Variants in THADA observed in about 807,000 individuals in gnomAD.
THADA encodes THADA armadillo repeat containing, also known as tRNA (32-2'-O)-methyltransferase regulator THADA.
A neutral mutation model predicts 219.8 loss-of-function variants in THADA; 213 were observed. The ratio of observed to expected loss-of-function variants is 0.97; its 90% confidence interval spans 0.87 to 1.09. The LOEUF (loss-of-function observed/expected upper bound fraction) is 1.09. Among genes scored for constraint, THADA ranks in the 50% least tolerant of loss-of-function variants. The pLI is 0.00. For missense variants in THADA, 2,956 were observed against 2,311.3 expected (o/e 1.28, Z -5.72); for synonymous variants, 1,018 against 828.9 (o/e 1.23, Z -3.92).
intron 26 of THADA, among the ~76,000 whole-genome samples, chr2:43,463,553 T>C (rs1683881330): frequency 6.6e-6 from 1 of 152,224 alleles, no homozygotes; most frequent in Non-Finnish European, 1.5e-5. Flanking sequence ...TCTGTTTCTT[T>C]TAAGTATTTA....
chr2:43,252,847 C>A (rs185488412), intron 36 of THADA, among the ~76,000 whole-genome samples: 171 of 152,340 alleles, frequency 1.1e-3, no homozygotes, highest in Non-Finnish European at 1.9e-3. Flanking sequence ...ATGAAGCTGT[C>A]TATAAACTCA....
chr2:43,568,355 T>C lies in THADA; in HGVS notation c.2188-1534A>G, dbSNP rs116253820. ...CTCTTCTCCCCCAGCACTTAGTCTA[T>C]TGATTGTGAGCCTACCACACCCTGT... is the stretch of plus-strand genomic sequence containing the variant. On this transcript the variant is annotated intron_variant, in intron 14 of 37. Transcript: ENST00000405975. 1.8e-3 allele frequency among the ~76,000 whole-genome samples: 279 copies of C among 152,324 alleles called. 2 individuals are homozygous for C. Among genetic ancestry groups the C allele is most frequent in the African/African-American group, 6.2e-3 (256 of 41,588 alleles).
rs761999633 is a variant in THADA at position 43,574,514 on chromosome 2, A to G, written c.1551T>C (p.Ser517=). The G allele has an allele frequency of 1.9e-6, 3 of 1,614,014 alleles. No individual in the cohort carries two copies. The highest frequency in any genetic ancestry group is 3.3e-4 in the Middle Eastern group (2 of 6,062). The change falls in exon 11 of 38, where the codon TCT becomes TCC. Residue 517 remains serine, a synonymous_variant. Transcript: ENST00000405975. ...AAGTCTCATGCCACTGGTCAATCCA[A>G]GAACTCTCAGCAGTCTGGGATTTCA... The part of the protein sequence containing the change: ...SHLKSQTAES[S]WIDQWHETWV...
chr2:43,578,513 C>A lies in THADA; in HGVS notation c.816G>T (p.Leu272Phe). The change falls in exon 9 of 38, where the codon TTG becomes TTT. Residue 272 changes from leucine (L) to phenylalanine (F), a missense_variant and splice_region_variant. Physicochemically the swap from Leu to Phe is conservative, Grantham distance 22. Transcript: ENST00000405975. The stretch of plus-strand genomic sequence containing the variant: ...AATTCTAAAAAGGAGATGCACTTAC[C>A]AAATGAGGAATCTTTTCAGACGGGT... Reference protein sequence around the residue: ...MFHPSEKIPHLISSVLLRSVD... With the variant: ...MFHPSEKIPHFISSVLLRSVD... 1 of 1,604,214 alleles carries A rather than the reference C, an allele frequency of 6.2e-7. No homozygotes were observed. The highest frequency in any genetic ancestry group is 1.1e-5 in the South Asian group (1 of 90,484).
At position 43,344,103 on chromosome 2, in the gene THADA, A is replaced by AAC; in HGVS notation, c.4343+18_4343+19insGT. The AAC allele has an allele frequency of 6.4e-7, 1 of 1,552,728 alleles. No individual in the cohort carries two copies. Among genetic ancestry groups the AAC allele is most frequent in the Non-Finnish European group, 8.8e-7 (1 of 1,131,406 alleles). On this transcript the variant is annotated intron_variant, in intron 30 of 37. Coordinates refer to ENST00000405975, the MANE Select transcript of THADA (RefSeq NM_022065.5). ...CCTAACCCCTGATAACTCCTTGCTC[A>AAC]TGTGGGATTTTAACATACCTCTTGG...
intron 28 of THADA, among the ~76,000 whole-genome samples, chr2:43,418,588 TGA>T (rs1677302872): frequency 6.6e-6 from 1 of 152,140 alleles, no homozygotes; most frequent in Admixed American, 6.6e-5. Context: ...TGGATGTGTG[TGA>T]GACATGCAGA....
chr2:43,498,631 A>G (rs1337124767), intron 25 of THADA, among the ~76,000 whole-genome samples: 1 of 152,214 alleles, frequency 6.6e-6, no homozygotes, highest in Non-Finnish European at 1.5e-5. Context: ...AAAAAAAGAA[A>G]GATGGCTAAC....
At chr2:43,326,611 G>A (rs973017327) in intron 30 of THADA, among the ~76,000 whole-genome samples, 3 of 152,196 alleles carry the variant, frequency 2.0e-5, no homozygotes, top group African/African-American at 7.2e-5. Context: ...TTACAATGAT[G>A]TGAACTGCCA....
rs144647819 is a variant in THADA, at chr2:43,394,006, C to A, written c.4227+3965G>T. ...AAGTAACCTAGTAATAATGTTAAGTCCCCAACATGAAGAGTTCTGGCAACA... is the reference window on the plus strand; with the variant it reads ...AAGTAACCTAGTAATAATGTTAAGTACCCAACATGAAGAGTTCTGGCAACA... On this transcript the variant is annotated intron_variant, in intron 29 of 37. Transcript: ENST00000405975. 3.2e-3 allele frequency among the ~76,000 whole-genome samples: 489 copies of A among 152,196 alleles called. 4 individuals carry two copies. Among genetic ancestry groups the A allele is most frequent in the South Asian group, 5.8e-3 (28 of 4,810 alleles).
intron 21 of THADA, among the ~76,000 whole-genome samples, chr2:43,528,681 G>A (rs1052015018): frequency 1.3e-5 from 2 of 152,128 alleles, no homozygotes; most frequent in African/African-American, 4.8e-5. Flanking sequence ...ACCTCAGTAT[G>A]TTTTCTGTTA....
At chr2:43,256,722 G>C (rs1011211111) in intron 36 of THADA, among the ~76,000 whole-genome samples, 2 of 151,806 alleles carry the variant, frequency 1.3e-5, no homozygotes, top group African/African-American at 4.8e-5. Flanking sequence ...GGGACCACAG[G>C]TGTGTACCAT....
At chr2:43,300,682 T>G (rs1013791841) in intron 31 of THADA, among the ~76,000 whole-genome samples, 4 of 152,166 alleles carry the variant, frequency 2.6e-5, no homozygotes, top group Admixed American at 6.5e-5. Flanking sequence ...TAAATAAGTT[T>G]GCTGAATTAA....
chr2:43,427,087 G>C (rs1444694242), intron 28 of THADA, among the ~76,000 whole-genome samples: 1 of 152,144 alleles, frequency 6.6e-6, no homozygotes, highest in South Asian at 2.1e-4. Context: ...TATATTCATG[G>C]CTTTTTTCAG....
Position 43,500,535 on chromosome 2 carries a change from A to C in THADA, c.3622-1580T>G, listed in dbSNP as rs886751406. On this transcript the variant is annotated intron_variant, in intron 24 of 37. Transcript: ENST00000405975. ...AAAGATAAATTGAAAAATCAATACAATTCATGACATCTGCATTTTCTAGAA... is the reference window on the plus strand; with the variant it reads ...AAAGATAAATTGAAAAATCAATACACTTCATGACATCTGCATTTTCTAGAA... Among the ~76,000 whole-genome samples the C allele has an allele frequency of 3.9e-5, 6 of 152,348 alleles. No homozygotes were observed. In the East Asian group the frequency reaches 7.7e-4, roughly 20 times the overall value.
chr2:43,436,673 C>A (rs1345507311), intron 26 of THADA, among the ~76,000 whole-genome samples: 2 of 152,136 alleles, frequency 1.3e-5, no homozygotes, highest in Non-Finnish European at 2.9e-5. Context: ...CTTAAGCAAT[C>A]CTTCCAAAAC....
rs199590427 is a variant in THADA, at chr2:43,586,884, T to G, written c.421A>C (p.Ile141Leu). ...LYSYRKVTDN[I>L]SSCMENFNLG... is the part of the protein sequence containing the mutation. Reference sequence around the variant, plus strand: ...TTAAAGTTCTCCATACAGGAAGAAATATTGTCAGTAACTTTCCTGTAAGAG... The same window carrying G: ...TTAAAGTTCTCCATACAGGAAGAAAGATTGTCAGTAACTTTCCTGTAAGAG... The change falls in exon 5 of 38, where the codon ATT (isoleucine) becomes CTT (leucine). Residue 141 changes from isoleucine to leucine, a missense_variant. Ile to Leu is a conservative substitution (Grantham distance 5). Coordinates refer to ENST00000405975, the MANE Select transcript of THADA (RefSeq NM_022065.5). 6.2e-7 allele frequency: 1 copy of G among 1,613,852 alleles called. No individual in the cohort carries two copies. Among genetic ancestry groups the G allele is most frequent in the South Asian group, 1.1e-5 (1 of 91,068 alleles).
At chr2:43,490,169 T>A (rs1409711956) in intron 25 of THADA, among the ~76,000 whole-genome samples, 5 of 152,200 alleles carry the variant, frequency 3.3e-5, no homozygotes, top group African/African-American at 1.2e-4. Flanking sequence ...ACTGCTAGTG[T>A]ACAATTTCTG....
At chr2:43,541,757 G>C (rs149703410) in intron 20 of THADA, among the ~76,000 whole-genome samples, 1,617 of 152,206 alleles carry the variant, frequency 0.011, 16 homozygotes, top group Middle Eastern at 0.024. Flanking sequence ...GCCTCCCAAA[G>C]TGCTGGGATT....
intron 21 of THADA, among the ~76,000 whole-genome samples, chr2:43,531,838 T>C (rs1239406049): frequency 6.6e-6 from 1 of 152,184 alleles, no homozygotes. Context: ...TTCTTTCTAG[T>C]CTTTTCCTTT....
Sources: allele counts gnomAD v4.1 joint callset (sites outside exome capture counted in the v4.1 genomes callset), GRCh38; gene constraint gnomAD v4.1.1; transcripts MANE v1.5; gene names NCBI Gene and HGNC (gene_info 2026-07-23, HGNC 2026-07-21).